Variants in ROBO1 observed in about 807,000 individuals in gnomAD.
The protein encoded by ROBO1 is roundabout guidance receptor 1, also known as roundabout homolog 1.
Under a neutral mutation model 195.9 loss-of-function variants are expected in ROBO1, and 149 were observed. The observed-to-expected ratio is 0.76, with a 90% CI of 0.67 to 0.87. The LOEUF is 0.87. Ranked by LOEUF, ROBO1 falls within the 40% of genes least tolerant of loss-of-function variation. ROBO1 has a pLI of 0.00. For synonymous variants in ROBO1, 816 were observed against 733.2 expected, an observed-to-expected ratio of 1.11 and a Z score of -1.82; for missense variants, 1,933 against 2,068.3, an observed-to-expected ratio of 0.93 and a Z score of 1.27.
chr3:78,820,711 C>G (rs114786741), intron 4 of ROBO1, among the ~76,000 whole-genome samples: 2,120 of 152,248 alleles, frequency 0.014, 27 homozygotes, highest in Non-Finnish European at 0.023. Flanking sequence ...TCAGCTAGTC[C>G]GAGAAGCCTC....
chr3:79,022,303 C>G (rs2078119174), intron 3 of ROBO1, among the ~76,000 whole-genome samples: 1 of 152,130 alleles, frequency 6.6e-6, no homozygotes, highest in Non-Finnish European at 1.5e-5. Flanking sequence ...GGACAAGATG[C>G]AAATATAATT....
In ROBO1 at chr3:79,070,022, A is replaced by G. The variant is rs75027998; in HGVS notation, c.172+55434T>C. On this transcript the variant is annotated intron_variant, in intron 3 of 30. Transcript: ENST00000464233. ...CAACTGGTCTTGAAGTTATTCATAA[A>G]TTTTCTATTCATTTACTGGTTATTC... Among the ~76,000 whole-genome samples the G allele has an allele frequency of 3.3e-3, 506 of 151,566 alleles. 25 individuals are homozygous for G. The East Asian group carries it at 0.086, about 26-fold the overall frequency.
Position 79,114,227 on chromosome 3 carries a change from T to G in ROBO1, c.172+11229A>C, listed in dbSNP as rs1263280296. Among the ~76,000 whole-genome samples the G allele has an allele frequency of 2.0e-5, 3 of 152,138 alleles. No individual in the cohort carries two copies. In the East Asian group the frequency reaches 5.8e-4, roughly 29 times the overall value. The stretch of plus-strand genomic sequence containing the variant: ...CTTGGGTATGTCTTTATTAGCAACA[T>G]AAGAACAGACTATTACAATAACCCA... On this transcript the variant is annotated intron_variant, in intron 3 of 30. Coordinates refer to ENST00000464233, the MANE Select transcript of ROBO1 (RefSeq NM_002941.4).
chr3:79,271,003 C>G (rs1157735331), intron 2 of ROBO1, among the ~76,000 whole-genome samples: 1 of 151,694 alleles, frequency 6.6e-6, no homozygotes, highest in Non-Finnish European at 1.5e-5. Context: ...TTTATATTAA[C>G]CTTGAAAATG....
chr3:78,622,405 T>C (rs1003516000), intron 26 of ROBO1, among the ~76,000 whole-genome samples: 1 of 152,178 alleles, frequency 6.6e-6, no homozygotes, highest in Non-Finnish European at 1.5e-5. Flanking sequence ...GAGCCTACCA[T>C]GGTAAAGACT....
At chr3:79,073,103 T>C (rs2079115450) in intron 3 of ROBO1, among the ~76,000 whole-genome samples, 1 of 151,984 alleles carries the variant, frequency 6.6e-6, no homozygotes, top group African/African-American at 2.4e-5. Context: ...ATGGAGCCAA[T>C]TGCACAGCAA....
At chr3:79,146,221 G>A (rs1314949833) in intron 2 of ROBO1, among the ~76,000 whole-genome samples, 1 of 151,924 alleles carries the variant, frequency 6.6e-6, no homozygotes, top group Admixed American at 6.6e-5. Flanking sequence ...CCACACTTCT[G>A]AGGTTCACCT....
intron 2 of ROBO1, among the ~76,000 whole-genome samples, chr3:79,479,802 AG>A (rs1938741877): frequency 6.6e-6 from 1 of 152,220 alleles, no homozygotes; most frequent in Non-Finnish European, 1.5e-5. Flanking sequence ...TTCTGGAACT[AG>A]ATCTTTCATC....
intron 3 of ROBO1, among the ~76,000 whole-genome samples, chr3:79,075,511 C>T (rs1465600327): frequency 6.6e-6 from 1 of 151,884 alleles, no homozygotes; most frequent in African/African-American, 2.4e-5. Context: ...TCTGGGGTCA[C>T]ACAAGTAATG....
At chr3:79,135,996 T>G (rs1033213776) in intron 2 of ROBO1, among the ~76,000 whole-genome samples, 1 of 152,174 alleles carries the variant, frequency 6.6e-6, no homozygotes, top group Non-Finnish European at 1.5e-5. Context: ...TGGATGAAAA[T>G]TTAATGATCT....
At chr3:79,451,418 C>G (rs146460882) in intron 2 of ROBO1, among the ~76,000 whole-genome samples, 222 of 152,144 alleles carry the variant, frequency 1.5e-3, no homozygotes, top group African/African-American at 5.1e-3. Context: ...AATGGAAGAG[C>G]CTTACCCCCT....
intron 3 of ROBO1, among the ~76,000 whole-genome samples, chr3:78,993,255 G>A (rs1325737077): frequency 6.6e-6 from 1 of 152,122 alleles, no homozygotes; most frequent in East Asian, 1.9e-4. Flanking sequence ...ATGCTCAAGG[G>A]TGCATGCACA....
chr3:79,656,978 G>C (rs1946185564), intron 1 of ROBO1, among the ~76,000 whole-genome samples: 1 of 151,898 alleles, frequency 6.6e-6, no homozygotes, highest in Non-Finnish European at 1.5e-5. Flanking sequence ...AAGCCATTAT[G>C]TCCATTACAT....
intron 3 of ROBO1, among the ~76,000 whole-genome samples, chr3:79,028,826 A>G (rs2078246157): frequency 6.6e-6 from 1 of 152,054 alleles, no homozygotes; most frequent in Non-Finnish European, 1.5e-5. Flanking sequence ...TTTTTATTAC[A>G]AGTGTTTAAT....
At chr3:79,015,773 G>A (rs78531385) in intron 3 of ROBO1, among the ~76,000 whole-genome samples, 1 of 152,130 alleles carries the variant, frequency 6.6e-6, no homozygotes, top group Admixed American at 6.5e-5. Context: ...TAGATAAAAG[G>A]CTATGAGAAG....
chr3:79,031,988 A>G (rs1257756194), intron 3 of ROBO1, among the ~76,000 whole-genome samples: 1 of 152,120 alleles, frequency 6.6e-6, no homozygotes, highest in East Asian at 1.9e-4. Context: ...AGTGAGATGG[A>G]CACACAGGCT....
chr3:79,145,299 T>C (rs939134138), intron 2 of ROBO1, among the ~76,000 whole-genome samples: 1 of 151,698 alleles, frequency 6.6e-6, no homozygotes, highest in South Asian at 2.1e-4. Flanking sequence ...TAATCTCAAC[T>C]TTTTAGATTT....
intron 2 of ROBO1, among the ~76,000 whole-genome samples, chr3:79,138,063 T>A (rs2080449027): frequency 6.6e-6 from 1 of 152,066 alleles, no homozygotes; most frequent in Non-Finnish European, 1.5e-5. Flanking sequence ...TTCCAAAGCA[T>A]AAGGCTTTGC....
At chr3:79,354,272 G>C (rs1449745789) in intron 2 of ROBO1, among the ~76,000 whole-genome samples, 1 of 152,122 alleles carries the variant, frequency 6.6e-6, no homozygotes, top group African/African-American at 2.4e-5. Context: ...CAAGGAGAAT[G>C]AGAAGAAACA....
Sources: allele counts gnomAD v4.1 joint callset (sites outside exome capture counted in the v4.1 genomes callset), GRCh38; gene constraint gnomAD v4.1.1; transcripts MANE v1.5; gene names NCBI Gene and HGNC (gene_info 2026-07-23, HGNC 2026-07-21).